The following LYRM4 variants were observed in gnomAD, a reference collection of about 807,000 sequenced individuals.
LYRM4 encodes the protein LYR motif containing 4.
Under a neutral mutation model 11.7 loss-of-function variants are expected in LYRM4, and 9 were observed. That is an observed-to-expected ratio of 0.77 (90% CI 0.46 to 1.34). LYRM4 has a LOEUF of 1.34. Ranked by LOEUF, LYRM4 falls within the 40% of genes most tolerant of loss-of-function variation. LYRM4 has a pLI of 0.00. For synonymous variants in LYRM4, 42 were observed against 40.4 expected (o/e 1.04, Z -0.15); for missense variants, 133 against 112.5 (o/e 1.18, Z -0.82).
chr6:5,197,020 G>T (rs968168184), intron 2 of LYRM4, among the ~76,000 whole-genome samples: 1 of 152,198 alleles, frequency 6.6e-6, no homozygotes, highest in East Asian at 1.9e-4. Flanking sequence ...TTTGACACGA[G>T]CAGTTAGAGA....
In LYRM4 at chr6:5,212,121, TAGA is replaced by T. The variant is rs1388986624; in HGVS notation, c.207+4494_207+4496del. On this transcript the variant is annotated intron_variant, in intron 2 of 2. Coordinates refer to ENST00000330636, the MANE Select transcript of LYRM4 (RefSeq NM_020408.6). Reference sequence around the variant, plus strand: ...CAGTGATGCTGATGCTGCAGGTCTCTAGAAGATGCTCGAAGAGCAGGTGCTAAC... The same window carrying T: ...CAGTGATGCTGATGCTGCAGGTCTCTAGATGCTCGAAGAGCAGGTGCTAAC... 9.8e-5 allele frequency among the ~76,000 whole-genome samples: 15 copies of T among 152,354 alleles called. No homozygotes were observed. The South Asian group carries it at 1.2e-3, about 13-fold the overall frequency.
intron 2 of LYRM4, among the ~76,000 whole-genome samples, chr6:5,214,799 T>C (rs1401666725): frequency 6.6e-6 from 1 of 152,168 alleles, no homozygotes; most frequent in East Asian, 1.9e-4. Context: ...GAAAGGGAAG[T>C]GAGTAGAAAC....
intron 2 of LYRM4, among the ~76,000 whole-genome samples, chr6:5,138,425 C>T (rs1297451853): frequency 4.0e-5 from 5 of 124,872 alleles, no homozygotes; most frequent in Admixed American, 1.1e-4. Flanking sequence ...GTTGAGGCTG[C>T]GGAGAGCCGT....
At chr6:5,148,320 C>T (rs1003218845) in intron 2 of LYRM4, 4 of 154,908 alleles carry the variant, frequency 2.6e-5, no homozygotes, top group African/African-American at 9.6e-5. Flanking sequence ...CCCAGTGCCT[C>T]AATATTCACT....
the LYRM4 span, among the ~76,000 whole-genome samples, chr6:5,094,495 A>G: frequency 2.6e-5 from 4 of 152,224 alleles, no homozygotes; most frequent in Non-Finnish European, 2.9e-5. Flanking sequence ...TAACAAAAAC[A>G]AAACAACAAA....
At chr6:5,044,731 G>A in the LYRM4 span, among the ~76,000 whole-genome samples, 2 of 152,250 alleles carry the variant, frequency 1.3e-5, no homozygotes, top group Admixed American at 6.5e-5. Context: ...TGACCCAATC[G>A]CTTCTGATTT....
intron 1 of LYRM4, among the ~76,000 whole-genome samples, chr6:5,238,150 C>T (rs996364609): frequency 6.6e-6 from 1 of 151,994 alleles, no homozygotes; most frequent in African/African-American, 2.4e-5. Flanking sequence ...CTTAACACAC[C>T]CACAAACAAT....
intron 2 of LYRM4, among the ~76,000 whole-genome samples, chr6:5,159,190 A>G (rs1035370242): frequency 6.6e-5 from 10 of 152,238 alleles, no homozygotes; most frequent in Admixed American, 1.3e-4. Flanking sequence ...GATGGTCCCC[A>G]TGGGGTCCTG....
intron 2 of LYRM4, among the ~76,000 whole-genome samples, chr6:5,116,690 C>T (rs1054124287): frequency 6.6e-6 from 1 of 152,198 alleles, no homozygotes; most frequent in Admixed American, 6.5e-5. Flanking sequence ...AAGCTGATCA[C>T]ACTTTTATTC....
Position 5,216,653 on chromosome 6 carries a change from T to C in LYRM4, c.172A>G (p.Lys58Glu), listed in dbSNP as rs759132658. 10 of 1,614,146 alleles carry C rather than the reference T, an allele frequency of 6.2e-6. No individual in the cohort carries two copies. In the South Asian group the frequency reaches 1.1e-4, roughly 18 times the overall value. Residue 58 changes from lysine to glutamate, a missense_variant, in exon 2 of 3, where the codon AAA (lysine) becomes GAA (glutamate). Lys to Glu is a moderately conservative substitution (Grantham distance 56). Coordinates refer to ENST00000330636, the MANE Select transcript of LYRM4 (RefSeq NM_020408.6). ...DPVEIQTLVN[K>E]AKRDLGVIRR... ...ATTACTCCAAGGTCTCTCTTGGCTT[T>C]ATTCACTAGGGTTTGAATTTCTACA...
chr6:5,120,146 C>G (rs906270722), intron 2 of LYRM4, among the ~76,000 whole-genome samples: 3 of 152,244 alleles, frequency 2.0e-5, no homozygotes, highest in Non-Finnish European at 4.4e-5. Context: ...CCATCCACCT[C>G]GGCCTCCCAA....
the LYRM4 span, among the ~76,000 whole-genome samples, chr6:5,072,812 A>C: frequency 2.0e-5 from 3 of 152,042 alleles, no homozygotes; most frequent in Admixed American, 1.3e-4. Flanking sequence ...TTTTCTAATT[A>C]TAGGTGATCA....
At chr6:5,058,787 G>C in the LYRM4 span, among the ~76,000 whole-genome samples, 1 of 152,182 alleles carries the variant, frequency 6.6e-6, no homozygotes. Context: ...TATAATGCTT[G>C]AATGCTTGCT....
intron 1 of LYRM4, among the ~76,000 whole-genome samples, chr6:5,245,428 G>T (rs1384143267): frequency 6.6e-6 from 1 of 151,928 alleles, no homozygotes; most frequent in Non-Finnish European, 1.5e-5. Context: ...TGTCACTGTG[G>T]AAACAGTTAA....
chr6:5,188,704 A>C (rs1293371158), intron 2 of LYRM4, among the ~76,000 whole-genome samples: 1 of 152,182 alleles, frequency 6.6e-6, no homozygotes, highest in African/African-American at 2.4e-5. Context: ...GAGACAGTGC[A>C]TTAAACATTT....
Position 5,256,490 on chromosome 6 carries a change from G to GAAAAAAAAAAAAAAAAA in LYRM4, c.86+4157_86+4158insTTTTTTTTTTTTTTTTT, listed in dbSNP as rs777995486. Among the ~76,000 whole-genome samples, 46 of 37,520 alleles carry GAAAAAAAAAAAAAAAAA rather than the reference G, an allele frequency of 1.2e-3. 19 individuals carry two copies. The highest frequency in any genetic ancestry group is 1.5e-3 in the Non-Finnish European group (28 of 18,394). The allele number at this position is 37,520 out of a possible 152,430, so 24.6% of individuals were successfully genotyped here. On this transcript the variant is annotated intron_variant, in intron 1 of 2. Transcript: ENST00000330636. ...GGGCAACAAGGGCAAGATTTCAACT[G>GAAAAAAAAAAAAAAAAA]GAAAAAAAAAAAAAAAAAAAAAAAA...
intron 2 of LYRM4, among the ~76,000 whole-genome samples, chr6:5,115,915 T>C (rs951441363): frequency 6.6e-6 from 1 of 152,154 alleles, no homozygotes; most frequent in Non-Finnish European, 1.5e-5. Context: ...GTCCCTATAC[T>C]GAAATGGTAA....
At chr6:5,136,139 T>C (rs1165348306) in intron 2 of LYRM4, 1 of 280,756 alleles carries the variant, frequency 3.6e-6, no homozygotes, top group Middle Eastern at 1.7e-3. Context: ...ATTTTGTTCA[T>C]CCAGGCGTCT....
rs777995486 is a variant in LYRM4, at chr6:5,256,490, G to GAAAAAAAAAAAAAAAAAAAAAAAA, written c.86+4157_86+4158insTTTTTTTTTTTTTTTTTTTTTTTT. Among the ~76,000 whole-genome samples the GAAAAAAAAAAAAAAAAAAAAAAAA allele has an allele frequency of 2.1e-4, 8 of 37,520 alleles. 3 individuals carry two copies. Among genetic ancestry groups the GAAAAAAAAAAAAAAAAAAAAAAAA allele is most frequent in the Admixed American group, 7.2e-4 (2 of 2,788 alleles). 24.6% of individuals were successfully genotyped at this position (37,520 alleles called of 152,430 possible). ...GGGCAACAAGGGCAAGATTTCAACT[G>GAAAAAAAAAAAAAAAAAAAAAAAA]GAAAAAAAAAAAAAAAAAAAAAAAA... On this transcript the variant is annotated intron_variant, in intron 1 of 2. Transcript: ENST00000330636.
Sources: gnomAD v4.1 joint callset for allele counts (sites outside exome capture counted in the v4.1 genomes callset) on GRCh38, gnomAD v4.1.1 for gene constraint, MANE v1.5 for transcripts, NCBI Gene and HGNC (gene_info 2026-07-23, HGNC 2026-07-21) for gene names.